STRN: variants seen among roughly 807,000 people sequenced by gnomAD.
STRN encodes the protein protein phosphatase 2 regulatory subunit B'''alpha.
Under a neutral mutation model 96.3 loss-of-function variants are expected in STRN, and 53 were observed. That is an observed-to-expected ratio of 0.55 (90% CI 0.44 to 0.69). The LOEUF is 0.69. Ranked by LOEUF, STRN falls within the 30% of genes least tolerant of loss-of-function variation. STRN has a pLI of 0.00. For synonymous variants in STRN, 428 were observed against 355.9 expected, an observed-to-expected ratio of 1.20 and a Z score of -2.28; for missense variants, 987 against 963.9, an observed-to-expected ratio of 1.02 and a Z score of -0.32.
chr2:36,862,787 T>A (rs1036231955), intron 12 of STRN, among the ~76,000 whole-genome samples: 6 of 151,622 alleles, frequency 4.0e-5, no homozygotes, highest in African/African-American at 1.5e-4. Flanking sequence ...CAGGCTGGAG[T>A]GCAGTGGCGC....
intron 8 of STRN, 56 bp downstream of exon 8, chr2:36,886,660 T>G: frequency 1.3e-5 from 18 of 1,333,928 alleles, no homozygotes; most frequent in Non-Finnish European, 1.7e-5. Flanking sequence ...AAAAAAAAAC[T>G]GGGGGATGTA....
intron 1 of STRN, among the ~76,000 whole-genome samples, chr2:36,931,507 T>A (rs1670573542): frequency 6.6e-6 from 1 of 152,188 alleles, no homozygotes; most frequent in Non-Finnish European, 1.5e-5. Context: ...AGGATTCAAG[T>A]GATAAAATCA....
chr2:36,878,702 T>C (rs1464973621), intron 9 of STRN, among the ~76,000 whole-genome samples: 3 of 152,166 alleles, frequency 2.0e-5, no homozygotes, highest in Non-Finnish European at 2.9e-5. Context: ...AGCACTCTTC[T>C]GTAGGTATAT....
At chr2:36,881,118 CTTTTTTT>C (rs3081783) in intron 9 of STRN, among the ~76,000 whole-genome samples, 42 of 78,996 alleles carry the variant, frequency 5.3e-4, no homozygotes, top group Admixed American at 1.9e-3. Context: ...ACACTGCCTT[CTTTTTTT>C]TTTTTTTTTT....
intron 3 of STRN, among the ~76,000 whole-genome samples, chr2:36,906,181 T>C (rs577011563): frequency 6.6e-6 from 1 of 152,192 alleles, no homozygotes; most frequent in South Asian, 2.1e-4. Flanking sequence ...AAATAAATAA[T>C]AACTGGGCAT....
At chr2:36,941,738 G>A (rs1448499921) in intron 1 of STRN, among the ~76,000 whole-genome samples, 1 of 137,938 alleles carries the variant, frequency 7.2e-6, no homozygotes, top group Admixed American at 6.9e-5. Flanking sequence ...TTTTTTAGTG[G>A]AGACGGGTTT....
At chr2:36,864,774 G>A (rs770413729) in intron 12 of STRN, among the ~76,000 whole-genome samples, 2 of 152,150 alleles carry the variant, frequency 1.3e-5, no homozygotes, top group Non-Finnish European at 2.9e-5. Context: ...TGCAATGGGT[G>A]CGATCTCAGC....
rs112176817 is a variant in STRN at position 36,949,780 on chromosome 2, T to G, written c.234+16450A>C. Among the ~76,000 whole-genome samples, 507 of 152,276 alleles carry G rather than the reference T, an allele frequency of 3.3e-3. 2 individuals are homozygous for G. The highest frequency in any genetic ancestry group is 0.012 in the African/African-American group (495 of 41,544). On this transcript the variant is annotated intron_variant, in intron 1 of 17. Transcript: ENST00000263918. ...GAAAGGATGATCGAGTTTCAAGTTATAGTAGGTCATCCAGGTGAAGACATT... is the reference window on the plus strand; with the variant it reads ...GAAAGGATGATCGAGTTTCAAGTTAGAGTAGGTCATCCAGGTGAAGACATT...
intron 1 of STRN, among the ~76,000 whole-genome samples, chr2:36,933,889 C>T (rs983533625): frequency 7.2e-5 from 11 of 152,184 alleles, no homozygotes; most frequent in African/African-American, 2.4e-4. Context: ...GCAGGTGGAT[C>T]ACCCGAGGTC....
intron 7 of STRN, among the ~76,000 whole-genome samples, chr2:36,890,793 A>G (rs1190308651): frequency 1.3e-5 from 2 of 152,084 alleles, no homozygotes; most frequent in Non-Finnish European, 2.9e-5. Context: ...CCAGAAAACT[A>G]TTTTTTAATG....
intron 1 of STRN, among the ~76,000 whole-genome samples, chr2:36,951,728 T>C (rs11887829): frequency 0.16 from 25,016 of 152,164 alleles, 2,160 homozygotes; most frequent in South Asian, 0.24. Context: ...GAAATAAAAA[T>C]GCCCTTAGGT....
chr2:36,838,539 C>A lies in STRN; in HGVS notation c.*10917G>T, dbSNP rs908066374. 3.3e-5 allele frequency among the ~76,000 whole-genome samples: 5 copies of A among 151,562 alleles called. No homozygotes were observed. Among genetic ancestry groups the A allele is most frequent in the Non-Finnish European group, 1.5e-5 (1 of 67,778 alleles). ...TCACTACATCCACCAGGATTTTTTT[C>A]TTTTTTCTACGTATTTTTTAATGTT... On this transcript the variant is annotated 3_prime_UTR_variant, in exon 18 of 18. Transcript: ENST00000263918.
intron 3 of STRN, among the ~76,000 whole-genome samples, chr2:36,908,740 G>A (rs926290126): frequency 6.6e-6 from 1 of 152,112 alleles, no homozygotes; most frequent in Non-Finnish European, 1.5e-5. Flanking sequence ...TTGGGAGGCC[G>A]TGGTGGGCGG....
rs1280205811 is a variant in STRN at position 36,849,726 on chromosome 2, A to G, written c.2161T>C (p.Leu721=). The change falls in exon 17 of 18, where the codon TTG becomes CTG. Residue 721 remains leucine (L), a synonymous_variant. Coordinates refer to ENST00000263918, the MANE Select transcript of STRN (RefSeq NM_003162.4). ...SLAVDPNGLY[L]MSGSHDCSIR... is the part of the protein sequence containing the mutation. ...TTGAGGTACTTACTGCCAGACATCA[A>G]GTAAAGGCCATTGGGATCAACTGCT... is the stretch of plus-strand genomic sequence containing the variant. The G allele has an allele frequency of 6.2e-7, 1 of 1,614,198 alleles. No individual in the cohort carries two copies. The highest frequency in any genetic ancestry group is 1.6e-4 in the Middle Eastern group (1 of 6,062).
chr2:36,920,912 T>C (rs1395928750), intron 2 of STRN, among the ~76,000 whole-genome samples: 1 of 151,192 alleles, frequency 6.6e-6, no homozygotes, highest in African/African-American at 2.4e-5. Context: ...CCATCTCTAC[T>C]AAAAATACAA....
At position 36,839,284 on chromosome 2, in the gene STRN, C is replaced by T. The variant is rs1004127970; in HGVS notation, c.*10172G>A. On this transcript the variant is annotated 3_prime_UTR_variant, in exon 18 of 18. Coordinates refer to ENST00000263918, the MANE Select transcript of STRN (RefSeq NM_003162.4). Reference sequence around the variant, plus strand: ...ATCACTAATATTCCCTATATTTTCACTTGTTCCCCCACCTGGAATGTGCTG... The same window carrying T: ...ATCACTAATATTCCCTATATTTTCATTTGTTCCCCCACCTGGAATGTGCTG... Among the ~76,000 whole-genome samples, 2 of 152,032 alleles carry T rather than the reference C, an allele frequency of 1.3e-5. No homozygotes were observed. The highest frequency in any genetic ancestry group is 2.9e-5 in the Non-Finnish European group (2 of 68,024).
chr2:36,928,188 G>C (rs1373091130), intron 1 of STRN, among the ~76,000 whole-genome samples: 1 of 151,980 alleles, frequency 6.6e-6, no homozygotes, highest in South Asian at 2.1e-4. Flanking sequence ...ATAATAATTG[G>C]TATAAATTCT....
chr2:36,886,657 A>T, intron 8 of STRN, 59 bp downstream of exon 8: 1 of 1,363,326 alleles, frequency 7.3e-7, no homozygotes, highest in Non-Finnish European at 1.0e-6. Flanking sequence ...TGAAAAAAAA[A>T]ACTGGGGGAT....
At position 36,840,098 on chromosome 2, in the gene STRN, A is replaced by T. The variant is rs1008189725; in HGVS notation, c.*9358T>A. 6.6e-6 allele frequency: 1 copy of T among 152,260 alleles called. No homozygotes were observed. The highest frequency in any genetic ancestry group is 1.9e-4 in the East Asian group (1 of 5,198). 9.4% of individuals were successfully genotyped at this position (152,260 alleles called of 1,614,324 possible). On this transcript the variant is annotated 3_prime_UTR_variant, in exon 18 of 18. Coordinates refer to ENST00000263918, the MANE Select transcript of STRN (RefSeq NM_003162.4). ...CCCCAGAGGGATGCCTTTCCTGACA[A>T]GATTCCACTGGGAGGTTCGTCTTTC...
Sources: allele counts gnomAD v4.1 joint callset (sites outside exome capture counted in the v4.1 genomes callset), GRCh38; gene constraint gnomAD v4.1.1; transcripts MANE v1.5; gene names NCBI Gene and HGNC (gene_info 2026-07-23, HGNC 2026-07-21).